EXOC4: variants seen among roughly 807,000 people sequenced by gnomAD.
EXOC4 encodes the protein exocyst complex component 4.
A neutral mutation model predicts 107.2 loss-of-function variants in EXOC4; 71 were observed. The observed-to-expected ratio is 0.66, with a 90% confidence interval of 0.55 to 0.81. The LOEUF (loss-of-function observed/expected upper bound fraction) is 0.81. Among genes scored for constraint, EXOC4 ranks in the 30% least tolerant of loss-of-function variants. EXOC4 has a pLI of 0.00. For missense variants in EXOC4, 1,108 were observed against 1,189.6 expected (o/e 0.93, Z 1.01); for synonymous variants, 456 against 441.2 (o/e 1.03, Z -0.42).
At chr7:133,607,213 A>G (rs1158607595) in intron 9 of EXOC4, among the ~76,000 whole-genome samples, 1 of 152,224 alleles carries the variant, frequency 6.6e-6, no homozygotes, top group Non-Finnish European at 1.5e-5. Flanking sequence ...TAAAAAATGC[A>G]TGAATTTTAA....
chr7:133,899,824 C>T (rs1295897614), intron 12 of EXOC4, among the ~76,000 whole-genome samples: 1 of 147,124 alleles, frequency 6.8e-6, no homozygotes, highest in Non-Finnish European at 1.5e-5. Context: ...TGGCTCACTG[C>T]AGCCTCTGCC....
intron 9 of EXOC4, among the ~76,000 whole-genome samples, chr7:133,597,322 G>A (rs1452093903): frequency 6.6e-6 from 1 of 152,122 alleles, no homozygotes; most frequent in African/African-American, 2.4e-5. Context: ...GGGAGGCCGA[G>A]GCGGGTGGAT....
chr7:133,925,661 G>C (rs1426136882), intron 13 of EXOC4, among the ~76,000 whole-genome samples: 1 of 152,170 alleles, frequency 6.6e-6, no homozygotes. Context: ...AAATTCTTAA[G>C]TGGATAGGTG....
At chr7:134,011,389 T>G (rs1794759306) in intron 17 of EXOC4, among the ~76,000 whole-genome samples, 1 of 152,180 alleles carries the variant, frequency 6.6e-6, no homozygotes, top group South Asian at 2.1e-4. Context: ...TACCCCATTT[T>G]GTTTCTTTCT....
At chr7:133,910,989 C>T (rs947925735) in intron 12 of EXOC4, among the ~76,000 whole-genome samples, 2 of 152,192 alleles carry the variant, frequency 1.3e-5, no homozygotes, top group Non-Finnish European at 2.9e-5. Context: ...CGGTACACAT[C>T]AGAGCCAGGC....
At chr7:133,786,777 T>C (rs534428817) in intron 10 of EXOC4, among the ~76,000 whole-genome samples, 1 of 152,372 alleles carries the variant, frequency 6.6e-6, no homozygotes, top group South Asian at 2.1e-4. Flanking sequence ...CCATCCTGGC[T>C]ATTAGAAGAC....
At chr7:133,562,514 T>G (rs1800827951) in intron 9 of EXOC4, among the ~76,000 whole-genome samples, 1 of 152,226 alleles carries the variant, frequency 6.6e-6, no homozygotes, top group Admixed American at 6.5e-5. Context: ...TCAGCAGTTA[T>G]GCCATTCTCC....
intron 5 of EXOC4, among the ~76,000 whole-genome samples, chr7:133,323,977 A>C (rs539240732): frequency 1.4e-3 from 214 of 152,272 alleles, no homozygotes; most frequent in African/African-American, 4.9e-3. Context: ...CATTTCTTCT[A>C]GATTTTCTAG....
At chr7:133,641,397 A>T (rs2151025000) in intron 10 of EXOC4, among the ~76,000 whole-genome samples, 1 of 151,986 alleles carries the variant, frequency 6.6e-6, no homozygotes, top group South Asian at 2.1e-4. Flanking sequence ...ATATTAAAAG[A>T]TACTTTTTAA....
intron 5 of EXOC4, among the ~76,000 whole-genome samples, chr7:133,342,682 C>T (rs753136843): frequency 6.7e-6 from 1 of 148,580 alleles, no homozygotes; most frequent in South Asian, 2.2e-4. Flanking sequence ...GGTTGTTTAA[C>T]GTAATTCCAA....
intron 11 of EXOC4, among the ~76,000 whole-genome samples, chr7:133,851,193 C>T (rs1305217158): frequency 3.9e-5 from 6 of 152,118 alleles, no homozygotes; most frequent in Admixed American, 2.0e-4. Context: ...CAGGCAAAGT[C>T]GGATATTTCA....
intron 4 of EXOC4, among the ~76,000 whole-genome samples, chr7:133,314,328 G>A (rs1364221024): frequency 2.0e-5 from 3 of 152,120 alleles, no homozygotes; most frequent in Non-Finnish European, 4.4e-5. Flanking sequence ...AAAACAGCAG[G>A]AGAAAAACTA....
intron 9 of EXOC4, among the ~76,000 whole-genome samples, chr7:133,589,481 C>T (rs1801488500): frequency 1.3e-5 from 2 of 152,216 alleles, no homozygotes; most frequent in South Asian, 4.1e-4. Context: ...GTCCTGTCTC[C>T]TGCTACAGTT....
intron 10 of EXOC4, among the ~76,000 whole-genome samples, chr7:133,772,679 C>A (rs137912270): frequency 1.3e-5 from 2 of 152,136 alleles, no homozygotes; most frequent in African/African-American, 4.8e-5. Flanking sequence ...ATGTTGAAAT[C>A]ATAGATGTTA....
At chr7:133,864,048 T>G (rs1051534996) in intron 11 of EXOC4, among the ~76,000 whole-genome samples, 2 of 152,198 alleles carry the variant, frequency 1.3e-5, no homozygotes, top group Non-Finnish European at 2.9e-5. Flanking sequence ...TTTTGTTGAT[T>G]GCTGACCATG....
intron 7 of EXOC4, among the ~76,000 whole-genome samples, chr7:133,389,702 T>C (rs1451083818): frequency 6.6e-6 from 1 of 151,914 alleles, no homozygotes; most frequent in African/African-American, 2.4e-5. Flanking sequence ...ATTGGTAGAC[T>C]ATCCTTGCAG....
At chr7:133,777,189 C>A (rs1316814499) in intron 10 of EXOC4, among the ~76,000 whole-genome samples, 3 of 151,558 alleles carry the variant, frequency 2.0e-5, no homozygotes, top group East Asian at 1.9e-4. Context: ...AAGCAGAATT[C>A]TTTGAGCACA....
intron 9 of EXOC4, among the ~76,000 whole-genome samples, chr7:133,504,068 G>A (rs1244594751): frequency 4.6e-5 from 7 of 152,020 alleles, no homozygotes; most frequent in Admixed American, 2.0e-4. Context: ...TACAGTTCCC[G>A]ACTTGGAGAG....
At chr7:133,718,201 AG>A (rs1795036874) in intron 10 of EXOC4, among the ~76,000 whole-genome samples, 4 of 152,170 alleles carry the variant, frequency 2.6e-5, no homozygotes, top group African/African-American at 9.7e-5. Flanking sequence ...TAGGTATACT[AG>A]GTTTGGATTC....
Sources: allele counts gnomAD v4.1 joint callset (sites outside exome capture counted in the v4.1 genomes callset), GRCh38; gene constraint gnomAD v4.1.1; transcripts MANE v1.5; gene names NCBI Gene and HGNC (gene_info 2026-07-23, HGNC 2026-07-21).